Variants in DAPK2 observed in about 807,000 individuals in gnomAD.
DAPK2 encodes the protein death-associated protein kinase 2.
Under a neutral mutation model 44.1 loss-of-function variants are expected in DAPK2, and 35 were observed. The observed-to-expected ratio is 0.79, with a 90% CI of 0.61 to 1.05. DAPK2 has a LOEUF of 1.05. DAPK2 is among the 50% of genes least tolerant of loss of function. The pLI, the probability that DAPK2 is intolerant of heterozygous loss-of-function variation, is 0.00. For synonymous variants in DAPK2, 174 were observed against 182.6 expected (o/e 0.95, Z 0.38); for missense variants, 453 against 483.2 (o/e 0.94, Z 0.59).
chr15:64,043,637 C>A (rs1273690378), upstream of DAPK2, among the ~76,000 whole-genome samples: 1 of 152,090 alleles, frequency 6.6e-6, no homozygotes, highest in Non-Finnish European at 1.5e-5. Context: ...AGAGTGCCAG[C>A]AATGTTGTTT....
rs1301054036 is a variant in DAPK2, at chr15:63,966,263, C to T, written c.453+5160G>A. On this transcript the variant is annotated intron_variant, in intron 3 of 10. Coordinates refer to ENST00000261891, the Ensembl canonical transcript of DAPK2. The surrounding 1 kb of genome is among the most constrained non-coding windows in gnomAD (Gnocchi z 5.5). ...CTGGAATGGGGGCCTCAAGACTCTGCCTTGTGCCCTTTCTTACTGTGGCTG... is the reference window on the plus strand; with the variant it reads ...CTGGAATGGGGGCCTCAAGACTCTGTCTTGTGCCCTTTCTTACTGTGGCTG... 3.3e-5 allele frequency among the ~76,000 whole-genome samples: 5 copies of T among 152,232 alleles called. No individual in the cohort carries two copies.
At chr15:63,929,156 G>A (rs565192048) in intron 6 of DAPK2, among the ~76,000 whole-genome samples, 40 of 150,454 alleles carry the variant, frequency 2.7e-4, no homozygotes, top group African/African-American at 9.6e-4. Context: ...CCAAGATCAC[G>A]CCACTGCACT....
intron 1 of DAPK2, among the ~76,000 whole-genome samples, chr15:63,989,497 C>T (rs529811252): frequency 1.2e-4 from 18 of 152,180 alleles, no homozygotes; most frequent in Non-Finnish European, 2.2e-4. Flanking sequence ...CAATGAGGCT[C>T]TCGAGGTAAC....
intron 8 of DAPK2, chr15:63,921,325 T>C (rs954018192): frequency 1.3e-5 from 2 of 152,262 alleles, no homozygotes; most frequent in Non-Finnish European, 2.9e-5. Flanking sequence ...TCTCTACTTT[T>C]GCCATAATGA....
At chr15:63,951,617 C>T (rs1337400222) in intron 3 of DAPK2, among the ~76,000 whole-genome samples, 2 of 151,688 alleles carry the variant, frequency 1.3e-5, no homozygotes, top group East Asian at 1.9e-4. Context: ...GCATCCCCAC[C>T]GAGTCTCACT....
intron 1 of DAPK2, among the ~76,000 whole-genome samples, chr15:64,012,305 A>C (rs1305503570): frequency 6.6e-6 from 1 of 152,236 alleles, no homozygotes. Flanking sequence ...TGCCACATGC[A>C]TTCAAGAAAT....
intron 3 of DAPK2, among the ~76,000 whole-genome samples, chr15:63,945,604 C>T (rs1001110899): frequency 6.6e-6 from 1 of 152,116 alleles, no homozygotes. Flanking sequence ...TCCACCCTCC[C>T]CAAATAGAGC....
chr15:63,943,267 A>C (rs1281429927), intron 3 of DAPK2, among the ~76,000 whole-genome samples: 1 of 151,916 alleles, frequency 6.6e-6, no homozygotes, highest in Non-Finnish European at 1.5e-5. Context: ...CTACAAAAAA[A>C]ATTTTTAAAA....
chr15:64,025,487 C>A (rs1171180362), intron 1 of DAPK2, among the ~76,000 whole-genome samples: 1 of 152,190 alleles, frequency 6.6e-6, no homozygotes, highest in Non-Finnish European at 1.5e-5. Context: ...GGGCAAGGGG[C>A]AGCTGGCCTC....
At chr15:64,012,037 A>G (rs1045775978) in intron 1 of DAPK2, among the ~76,000 whole-genome samples, 5 of 152,174 alleles carry the variant, frequency 3.3e-5, no homozygotes, top group African/African-American at 1.2e-4. Flanking sequence ...TCCTTCCGTA[A>G]AGTGCAGACC....
chr15:63,964,216 G>C (rs1177058154), intron 3 of DAPK2, among the ~76,000 whole-genome samples: 2 of 152,056 alleles, frequency 1.3e-5, no homozygotes, highest in African/African-American at 2.4e-5. Flanking sequence ...ATTTTTGCTG[G>C]ATATACTATT....
chr15:63,934,499 C>T (rs1238233868), intron 4 of DAPK2, among the ~76,000 whole-genome samples: 6 of 151,732 alleles, frequency 4.0e-5, no homozygotes, highest in South Asian at 2.1e-4. Flanking sequence ...TCAGGTGATC[C>T]GCCCACCTTG....
chr15:64,028,154 G>A (rs1166827563), intron 1 of DAPK2, among the ~76,000 whole-genome samples: 1 of 152,176 alleles, frequency 6.6e-6, no homozygotes, highest in African/African-American at 2.4e-5. Flanking sequence ...CACCTCTGCG[G>A]TTCAAGTGAT....
chr15:63,942,574 C>A (rs1595766256), intron 3 of DAPK2, among the ~76,000 whole-genome samples: 1 of 151,422 alleles, frequency 6.6e-6, no homozygotes, highest in South Asian at 2.1e-4. Context: ...ACAAAAAAAA[C>A]AAAAATAAAA....
chr15:63,923,331 C>T lies in DAPK2; in HGVS notation c.858+1485G>A. 2 of 1,535,048 alleles carry T rather than the reference C, an allele frequency of 1.3e-6. No homozygotes were observed. Among genetic ancestry groups the T allele is most frequent in the Non-Finnish European group, 1.7e-6 (2 of 1,146,030 alleles). On this transcript the variant is annotated intron_variant, in intron 8 of 10. Transcript: ENST00000261891. This position sits in a 1 kb window ranked among gnomAD's most constrained non-coding sequence, Gnocchi z 4.2. ...GTCTTCCGCTGTTCAGGGGCTCTGC[C>T]TTCTCCTTTTGACTGGTGGGTGTTC...
chr15:63,986,476 G>C (rs1330978140), intron 1 of DAPK2, among the ~76,000 whole-genome samples: 1 of 152,088 alleles, frequency 6.6e-6, no homozygotes, highest in Non-Finnish European at 1.5e-5. Flanking sequence ...CCCGGCTGGA[G>C]GGCAGTGGTG....
intron 2 of DAPK2, among the ~76,000 whole-genome samples, chr15:63,978,115 G>T (rs34409256): frequency 0.52 from 79,604 of 152,024 alleles, 21,595 homozygotes; most frequent in East Asian, 0.96. Flanking sequence ...AAGAAAGAAA[G>T]AAATAAAACA....
chr15:63,929,536 AT>A lies in DAPK2; in HGVS notation c.659+14del, dbSNP rs112639958. On this transcript the variant is annotated intron_variant, in intron 6 of 10. Coordinates refer to ENST00000261891, the Ensembl canonical transcript of DAPK2. ...ATCTAAGCTGAGCCAGAGCCCCTGG[AT>A]CAGGGATACTCACAGGATGTAGGTG... 3.7e-3 allele frequency: 5,955 copies of A among 1,614,068 alleles called. 201 individuals carry two copies. In the African/African-American group the frequency reaches 0.07, roughly 19 times the overall value.
chr15:63,933,313 G>A (rs546677807), intron 4 of DAPK2, among the ~76,000 whole-genome samples: 46 of 151,710 alleles, frequency 3.0e-4, no homozygotes, highest in African/African-American at 1.1e-3. Context: ...ATGTGATCTC[G>A]GCTCATCGCA....
Sources: allele counts gnomAD v4.1 joint callset (sites outside exome capture counted in the v4.1 genomes callset), GRCh38; gene constraint gnomAD v4.1.1; non-coding constraint Gnocchi (gnomAD v3.1); transcripts MANE v1.5; gene names NCBI Gene and HGNC (gene_info 2026-07-23, HGNC 2026-07-21).